The following MGAM variants were observed in gnomAD, a reference collection of about 807,000 sequenced individuals.
MGAM encodes maltase-glucoamylase.
Under a neutral mutation model 358.8 loss-of-function variants are expected in MGAM, and 253 were observed. The ratio of observed to expected loss-of-function variants is 0.71; its 90% CI spans 0.64 to 0.78. The LOEUF is 0.78. Among genes scored for constraint, MGAM ranks in the 30% least tolerant of loss-of-function variants. The pLI, the probability that MGAM is intolerant of heterozygous loss-of-function variation, is 0.00. For synonymous variants in MGAM, 1,105 were observed against 1,227.1 expected (o/e 0.90, Z 2.08); for missense variants, 3,080 against 3,432.6 (o/e 0.90, Z 2.57).
intron 2 of MGAM, among the ~76,000 whole-genome samples, chr7:141,987,998 T>G (rs897350747): frequency 2.6e-5 from 4 of 152,166 alleles, no homozygotes; most frequent in African/African-American, 9.6e-5. Flanking sequence ...CAGATTAAAG[T>G]ACTCCGAGGC....
chr7:142,044,820 A>ACG, intron 21 of MGAM, among the ~76,000 whole-genome samples: 1 of 71,296 alleles, frequency 1.4e-5, no homozygotes, highest in East Asian at 3.0e-4. Context: ...ATACACGTGT[A>ACG]ATATATGATA....
intron 64 of MGAM, 46 bp from the exon 65 acceptor site, chr7:142,096,285 T>G (rs2129062168): frequency 6.7e-7 from 1 of 1,486,676 alleles, no homozygotes; most frequent in South Asian, 1.1e-5. Context: ...AGTGTCGGGC[T>G]GGGGCTCTGT....
chr7:142,067,066 G>C lies in MGAM; in HGVS notation c.4920-275G>C, dbSNP rs561915054. ...TCAGCAAGAGAATTGAGGGACGAGG[G>C]CCATCCTCACATTTAAAATGTGCCA... On this transcript the variant is annotated intron_variant, in intron 41 of 70. Transcript: ENST00000475668. Among the ~76,000 whole-genome samples, 14 of 146,102 alleles carry C rather than the reference G, an allele frequency of 9.6e-5. 1 individual carries two copies. The highest frequency in any genetic ancestry group is 3.4e-4 in the African/African-American group (14 of 41,172).
intron 2 of MGAM, among the ~76,000 whole-genome samples, chr7:142,007,585 A>T (rs1294635701): frequency 6.6e-6 from 1 of 152,216 alleles, no homozygotes; most frequent in Non-Finnish European, 1.5e-5. Flanking sequence ...CAATGAAAAG[A>T]AAACCAATCA....
At chr7:142,076,299 C>A in intron 46 of MGAM, 47 bp downstream of exon 46, 2 of 1,403,820 alleles carry the variant, frequency 1.4e-6, no homozygotes, top group Non-Finnish European at 1.0e-6. Flanking sequence ...TTTGGACTGA[C>A]CATTAGCACA....
At chr7:142,092,459 T>A in intron 58 of MGAM, 62 bp from the exon 59 acceptor site, 1 of 1,403,082 alleles carries the variant, frequency 7.1e-7, no homozygotes, top group South Asian at 1.2e-5. Flanking sequence ...CTTCCTTGGC[T>A]CAGAATTGGC....
intron 34 of MGAM, among the ~76,000 whole-genome samples, chr7:142,061,395 T>C (rs1812186274): frequency 6.6e-6 from 1 of 151,478 alleles, no homozygotes; most frequent in African/African-American, 2.4e-5. Context: ...CCTACCTCCA[T>C]TTCCTAACAA....
At chr7:142,020,671 C>G (rs1806365106) in intron 4 of MGAM, among the ~76,000 whole-genome samples, 2 of 149,140 alleles carry the variant, frequency 1.3e-5, no homozygotes, top group African/African-American at 5.0e-5. Flanking sequence ...GCGATCTCAG[C>G]TCACTGCAAC....
At chr7:142,037,710 A>C (rs989836505) in intron 18 of MGAM, among the ~76,000 whole-genome samples, 2 of 152,208 alleles carry the variant, frequency 1.3e-5, no homozygotes, top group Non-Finnish European at 2.9e-5. Context: ...CAGTTTCTTG[A>C]TAGTCAGCTG....
chr7:142,065,913 C>A, intron 40 of MGAM, 82 bp downstream of exon 40: 7 of 1,042,254 alleles, frequency 6.7e-6, no homozygotes, highest in Non-Finnish European at 9.7e-6. Context: ...AATGCAGTCT[C>A]TATTTCCTGG....
rs1814771611 is a variant in MGAM, at chr7:142,086,464, AT to A, written c.6747+137del. On this transcript the variant is annotated intron_variant, in intron 56 of 70. Coordinates refer to ENST00000475668, the MANE Select transcript of MGAM (RefSeq NM_001365693.1). Reference sequence around the variant, plus strand: ...TCAGAAGCTCTCCTTTTCTCAATCAATATTTGTTGATACAGTTAATAACTTT... The same window carrying A: ...TCAGAAGCTCTCCTTTTCTCAATCAAATTTGTTGATACAGTTAATAACTTT... 3.0e-6 allele frequency: 2 copies of A among 675,732 alleles called. 1 individual carries two copies. The highest frequency in any genetic ancestry group is 4.6e-6 in the Non-Finnish European group (2 of 432,100). The allele number at this position is 675,732 out of a possible 1,614,324, so 41.9% of individuals were successfully genotyped here. A position where few individuals can be genotyped will look rare whatever the true frequency, so the allele number is the denominator to read the frequency against.
chr7:142,066,525 C>T lies in MGAM; in HGVS notation c.4771-48C>T. ...GCTTTTAGTGACCTTCTTAAATCCC[C>T]TAGAAATTCCAGGGCGAGCTCCCAA... On this transcript the variant is annotated intron_variant, in intron 40 of 70. Coordinates refer to ENST00000475668, the MANE Select transcript of MGAM (RefSeq NM_001365693.1). 1.9e-6 allele frequency: 3 copies of T among 1,541,378 alleles called. 1 individual carries two copies. The highest frequency in any genetic ancestry group is 2.3e-5 in the South Asian group (2 of 87,748).
At chr7:142,041,262 C>T (rs897258010) in intron 21 of MGAM, among the ~76,000 whole-genome samples, 2 of 151,994 alleles carry the variant, frequency 1.3e-5, no homozygotes, top group Non-Finnish European at 2.9e-5. Flanking sequence ...AAATAGATTC[C>T]ATCTGTACTA....
At chr7:142,027,584 AT>A in intron 9 of MGAM, 25 bp from the exon 10 acceptor site, 1 of 1,610,788 alleles carries the variant, frequency 6.2e-7, no homozygotes, top group Non-Finnish European at 8.5e-7. Flanking sequence ...GTATTTGCTA[AT>A]TTTCACTTCA....
At chr7:141,994,584 T>C (rs1554448036), upstream of MGAM, among the ~76,000 whole-genome samples, 1 of 152,178 alleles carries the variant, frequency 6.6e-6, no homozygotes, top group Admixed American at 6.5e-5. Flanking sequence ...TTCACAATAG[T>C]GATTGATATG....
intron 12 of MGAM, among the ~76,000 whole-genome samples, chr7:142,031,198 T>A (rs891433519): frequency 9.2e-5 from 14 of 152,226 alleles, no homozygotes; most frequent in Non-Finnish European, 8.8e-5. Context: ...AAATGTTTGT[T>A]TGTCCTTGTT....
rs188409175 is a variant in MGAM at position 142,092,132 on chromosome 7, G to A, written c.6945+85G>A. The A allele has an allele frequency of 9.6e-5, 141 of 1,468,710 alleles. 10 individuals are homozygous for A. In the African/African-American group the frequency reaches 1.7e-3, roughly 18 times the overall value. The allele number at this position is 1,468,710 out of a possible 1,614,324, so 91.0% of individuals were successfully genotyped here. The stretch of plus-strand genomic sequence containing the variant: ...GTATGTACCACTGACCTTCAGTCAA[G>A]AGGATAGTCATTGTCCAAGGAAGAC... On this transcript the variant is annotated intron_variant, in intron 58 of 70. Transcript: ENST00000475668.
At position 142,025,063 on chromosome 7, in the gene MGAM, T is replaced by G. The variant is rs1172867548; in HGVS notation, c.896T>G (p.Leu299Trp). The G allele has an allele frequency of 3.1e-6, 5 of 1,613,496 alleles. No homozygotes were observed. The highest frequency in any genetic ancestry group is 4.2e-6 in the Non-Finnish European group (5 of 1,179,514). Residue 299 changes from leucine to tryptophan, a missense_variant, in exon 8 of 71, where the codon TTG (leucine) becomes TGG (tryptophan). Around this residue, in one of 5 missense-constraint regions of MGAM, gnomAD observed 1,816 missense variants for 1,840.5 expected, o/e 0.99. Transcript: ENST00000475668. ...DTTPNGNGTN[L>W]YGAQTFFLCL... ...CTCTTTCTGCAGAACGGAACTAATT[T>G]GTATGGTGCGCAGACATTCTTCTTG...
In MGAM at chr7:142,073,245, T is replaced by A. The variant is rs1455609995; in HGVS notation, c.5187-840T>A. On this transcript the variant is annotated intron_variant, in intron 44 of 70. Coordinates refer to ENST00000475668, the MANE Select transcript of MGAM (RefSeq NM_001365693.1). Reference sequence around the variant, plus strand: ...TATTAATTTTTGTATCTCATTGACTTCCTAGAAATGACTGCTACTCAATAC... The same window carrying A: ...TATTAATTTTTGTATCTCATTGACTACCTAGAAATGACTGCTACTCAATAC... Among the ~76,000 whole-genome samples, 5 of 146,284 alleles carry A rather than the reference T, an allele frequency of 3.4e-5. 2 individuals carry two copies. Among genetic ancestry groups the A allele is most frequent in the Non-Finnish European group, 4.6e-5 (3 of 64,582 alleles).
Sources: gnomAD v4.1 joint callset for allele counts (sites outside exome capture counted in the v4.1 genomes callset) on GRCh38, gnomAD v4.1.1 for gene constraint, gnomAD v4.1.1 regional missense constraint, MANE v1.5 for transcripts, NCBI Gene and HGNC (gene_info 2026-07-23, HGNC 2026-07-21) for gene names.